The following ITFG1 variants were observed in gnomAD, a reference collection of about 807,000 sequenced individuals.
ITFG1 encodes integrin alpha FG-GAP repeat containing 1.
In ITFG1, 34 loss-of-function variants were observed where a neutral mutation model predicts 81.8. The ratio of observed to expected loss-of-function variants is 0.42; its 90% CI spans 0.32 to 0.55. ITFG1 has a LOEUF of 0.55. Ranked by LOEUF, ITFG1 falls within the 20% of genes least tolerant of loss-of-function variation. The pLI is 0.17. For synonymous variants in ITFG1, 285 were observed against 270.6 expected, an observed-to-expected ratio of 1.05 and a Z score of -0.52; for missense variants, 672 against 755.4, an observed-to-expected ratio of 0.89 and a Z score of 1.29.
At chr16:47,324,967 T>C (rs1303226868) in intron 8 of ITFG1, among the ~76,000 whole-genome samples, 3 of 152,122 alleles carry the variant, frequency 2.0e-5, no homozygotes, top group African/African-American at 7.2e-5. Context: ...TGAACTCAGC[T>C]CTGCACCAAG....
rs369725929 is a variant in ITFG1, at chr16:47,401,138, G to C, written c.656-25198C>G. 6.6e-5 allele frequency among the ~76,000 whole-genome samples: 10 copies of C among 152,242 alleles called. No homozygotes were observed. In the South Asian group the frequency reaches 1.9e-3, roughly 28 times the overall value. On this transcript the variant is annotated intron_variant, in intron 6 of 17. Transcript: ENST00000320640. ...GATGGTTTCAAAAAGTTTTTAGGAG[G>C]GGGTATCAGGAAGATTTGGGAACTG... is the stretch of plus-strand genomic sequence containing the variant.
intron 13 of ITFG1, among the ~76,000 whole-genome samples, chr16:47,220,491 T>C (rs1965678333): frequency 6.6e-6 from 1 of 152,234 alleles, no homozygotes; most frequent in South Asian, 2.1e-4. Context: ...TATTTGTCGC[T>C]AATGATAAAA....
chr16:47,176,259 C>T (rs896513789), intron 14 of ITFG1, among the ~76,000 whole-genome samples: 1 of 152,182 alleles, frequency 6.6e-6, no homozygotes, highest in Admixed American at 6.5e-5. Context: ...TCATTACTCA[C>T]AGGGGAATTC....
Position 47,269,115 on chromosome 16 carries a change from C to T in ITFG1, c.1071-8420G>A, listed in dbSNP as rs573278639. Among the ~76,000 whole-genome samples, 14 of 152,238 alleles carry T rather than the reference C, an allele frequency of 9.2e-5. No homozygotes were observed. The South Asian group carries it at 1.2e-3, about 14-fold the overall frequency. On this transcript the variant is annotated intron_variant, in intron 10 of 17. Coordinates refer to ENST00000320640, the MANE Select transcript of ITFG1 (RefSeq NM_030790.5). ...TCCCTGTTCTTACAAGGCAAGAATG[C>T]GTGCTTTCACCACTTCCACTCAGCA...
intron 5 of ITFG1, among the ~76,000 whole-genome samples, chr16:47,436,036 G>A (rs540470392): frequency 6.6e-6 from 1 of 151,916 alleles, no homozygotes; most frequent in African/African-American, 2.4e-5. Flanking sequence ...ACACATAAAG[G>A]TCTACTTGAA....
chr16:47,181,418 C>T (rs1197939804), intron 14 of ITFG1, among the ~76,000 whole-genome samples: 4 of 146,930 alleles, frequency 2.7e-5, no homozygotes, highest in African/African-American at 5.1e-5. Flanking sequence ...TCAGCCCCCC[C>T]GCCCGGCCAG....
At chr16:47,409,380 A>ATG (rs1968771868) in intron 6 of ITFG1, among the ~76,000 whole-genome samples, 1 of 12,848 alleles carries the variant, frequency 7.8e-5, no homozygotes, top group African/African-American at 3.6e-4. Flanking sequence ...CACACTATAT[A>ATG]TATATATATA....
intron 5 of ITFG1, among the ~76,000 whole-genome samples, chr16:47,432,741 C>G (rs1969110355): frequency 6.6e-6 from 1 of 152,172 alleles, no homozygotes; most frequent in Admixed American, 6.5e-5. Context: ...TCACCATATA[C>G]AAGGTTAGAA....
chr16:47,415,666 AT>A (rs1209504423), intron 6 of ITFG1, among the ~76,000 whole-genome samples: 1 of 152,168 alleles, frequency 6.6e-6, no homozygotes, highest in African/African-American at 2.4e-5. Context: ...ATGAAATACC[AT>A]TTTTTCCAAT....
At chr16:47,433,887 T>G (rs1969127838) in intron 5 of ITFG1, among the ~76,000 whole-genome samples, 1 of 126,712 alleles carries the variant, frequency 7.9e-6, no homozygotes, top group African/African-American at 2.9e-5. Context: ...TATATATATA[T>G]ATATATATAT....
At chr16:47,307,761 C>A (rs1303937686) in intron 10 of ITFG1, among the ~76,000 whole-genome samples, 1 of 152,022 alleles carries the variant, frequency 6.6e-6, no homozygotes, top group Non-Finnish European at 1.5e-5. Flanking sequence ...GAGCACAGTA[C>A]CCCATTGTTA....
intron 8 of ITFG1, among the ~76,000 whole-genome samples, chr16:47,334,667 A>G (rs1448342456): frequency 6.6e-6 from 1 of 152,194 alleles, no homozygotes; most frequent in South Asian, 2.1e-4. Context: ...TATAATTTCA[A>G]CTCTGACAAA....
rs141654293 is a variant in ITFG1 at position 47,412,669 on chromosome 16, C to T, written c.655+16135G>A. On this transcript the variant is annotated intron_variant, in intron 6 of 17. Coordinates refer to ENST00000320640, the MANE Select transcript of ITFG1 (RefSeq NM_030790.5). ...AAGATTTGCGCCACTGCACTCCCTC[C>T]TGTGTGACAGAGCAAGACTCTGTCT... 4.3e-3 allele frequency among the ~76,000 whole-genome samples: 631 copies of T among 148,154 alleles called. 6 individuals are homozygous for T. Among genetic ancestry groups the T allele is most frequent in the African/African-American group, 0.015 (602 of 39,820 alleles).
rs535637682 is a variant in ITFG1, at chr16:47,352,258, A to G, written c.802+13530T>C. Among the ~76,000 whole-genome samples the G allele has an allele frequency of 2.4e-3, 369 of 152,378 alleles. 1 individual carries two copies. The highest frequency in any genetic ancestry group is 4.6e-3 in the Non-Finnish European group (312 of 68,040). The stretch of plus-strand genomic sequence containing the variant: ...CTGCACAGCAAAAGAAACCACCATC[A>G]GAGTGAACAGGCAACCTACAGAATG... On this transcript the variant is annotated intron_variant, in intron 8 of 17. Coordinates refer to ENST00000320640, the MANE Select transcript of ITFG1 (RefSeq NM_030790.5).
chr16:47,445,609 T>TA (rs1969315245), intron 5 of ITFG1, among the ~76,000 whole-genome samples: 1 of 152,218 alleles, frequency 6.6e-6, no homozygotes, highest in African/African-American at 2.4e-5. Flanking sequence ...TTGCCGTGCC[T>TA]ATATCAGGAG....
chr16:47,440,183 A>C (rs1176624633), intron 5 of ITFG1, among the ~76,000 whole-genome samples: 1 of 152,194 alleles, frequency 6.6e-6, no homozygotes, highest in Non-Finnish European at 1.5e-5. Flanking sequence ...CAGATTCATA[A>C]AGCAAGTCCT....
intron 8 of ITFG1, among the ~76,000 whole-genome samples, chr16:47,343,886 T>C (rs1967817046): frequency 6.6e-6 from 1 of 152,134 alleles, no homozygotes; most frequent in African/African-American, 2.4e-5. Context: ...GACTACAGCA[T>C]TATTCACAAT....
At chr16:47,167,151 A>G (rs773186621) in intron 14 of ITFG1, among the ~76,000 whole-genome samples, 1 of 152,210 alleles carries the variant, frequency 6.6e-6, no homozygotes, top group Non-Finnish European at 1.5e-5. Context: ...TGTCTACTCT[A>G]GATACCTCAT....
At chr16:47,321,273 G>C in intron 8 of ITFG1, among the ~76,000 whole-genome samples, 1 of 152,132 alleles carries the variant, frequency 6.6e-6, no homozygotes, top group African/African-American at 2.4e-5. Flanking sequence ...CTCTGAAACT[G>C]CACTTCTTGC....
Sources: gnomAD v4.1 joint callset for allele counts (sites outside exome capture counted in the v4.1 genomes callset) on GRCh38, gnomAD v4.1.1 for gene constraint, MANE v1.5 for transcripts, NCBI Gene and HGNC (gene_info 2026-07-23, HGNC 2026-07-21) for gene names.